The following MANBA variants were observed in gnomAD, a reference collection of about 807,000 sequenced individuals.
MANBA encodes the protein beta-mannosidase.
Under a neutral mutation model 111.1 loss-of-function variants are expected in MANBA, and 83 were observed. That is an observed-to-expected ratio of 0.75 (90% CI 0.63 to 0.90). The LOEUF is 0.90. Ranked by LOEUF, MANBA falls within the 40% of genes least tolerant of loss-of-function variation. The pLI, the probability that MANBA is intolerant of heterozygous loss-of-function variation, is 0.00. For synonymous variants in MANBA, 370 were observed against 378.7 expected (o/e 0.98, Z 0.27); for missense variants, 1,036 against 1,069.0 (o/e 0.97, Z 0.43).
At chr4:102,680,626 C>T (rs1331468588) in intron 7 of MANBA, among the ~76,000 whole-genome samples, 1 of 151,268 alleles carries the variant, frequency 6.6e-6, no homozygotes, top group African/African-American at 2.4e-5. Context: ...TCCAAAAAAG[C>T]AAATTCCACA....
chr4:102,644,446 T>C (rs1730014691), intron 13 of MANBA, among the ~76,000 whole-genome samples: 1 of 152,004 alleles, frequency 6.6e-6, no homozygotes, highest in Admixed American at 6.6e-5. Flanking sequence ...GCCTTAAAAA[T>C]AAAGGAAATC....
At position 102,668,768 on chromosome 4, in the gene MANBA, C is replaced by G. The variant is rs182710499; in HGVS notation, c.1317+195G>C. 8.1e-4 allele frequency: 466 copies of G among 573,128 alleles called. 1 individual carries two copies. The highest frequency in any genetic ancestry group is 4.9e-3 in the Middle Eastern group (10 of 2,032). 35.5% of individuals were successfully genotyped at this position (573,128 alleles called of 1,614,324 possible). Reference sequence around the variant, plus strand: ...AGAGAAATCAGGACTGGGGATAAATCTGGGAGTCATCAGCCAATAGATGAT... The same window carrying G: ...AGAGAAATCAGGACTGGGGATAAATGTGGGAGTCATCAGCCAATAGATGAT... On this transcript the variant is annotated intron_variant, in intron 10 of 16. Coordinates refer to ENST00000647097, the MANE Select transcript of MANBA (RefSeq NM_005908.4).
intron 7 of MANBA, among the ~76,000 whole-genome samples, chr4:102,675,584 G>C (rs1053348635): frequency 6.6e-6 from 1 of 152,000 alleles, no homozygotes; most frequent in Non-Finnish European, 1.5e-5. Context: ...AAAAGGAGTA[G>C]GTACTACTTA....
At chr4:102,741,239 A>G (rs565290265) in intron 1 of MANBA, among the ~76,000 whole-genome samples, 1 of 152,332 alleles carries the variant, frequency 6.6e-6, no homozygotes, top group East Asian at 1.9e-4. Context: ...AACCACAATG[A>G]GATACTCCTT....
intron 5 of MANBA, among the ~76,000 whole-genome samples, chr4:102,698,835 T>C (rs1371750966): frequency 6.6e-6 from 1 of 151,716 alleles, no homozygotes; most frequent in East Asian, 1.9e-4. Context: ...GACTTGGCGA[T>C]GTGGGCTCTT....
chr4:102,713,907 A>AG (rs1285367507), intron 5 of MANBA, among the ~76,000 whole-genome samples: 1 of 151,752 alleles, frequency 6.6e-6, no homozygotes, highest in Non-Finnish European at 1.5e-5. Context: ...AAAAAAAAAA[A>AG]AAAAAAAAGA....
intron 7 of MANBA, among the ~76,000 whole-genome samples, chr4:102,688,254 G>A (rs903683080): frequency 6.6e-6 from 1 of 151,868 alleles, no homozygotes; most frequent in African/African-American, 2.4e-5. Context: ...GGTCCAGGAT[G>A]TTCTCCCTGT....
At chr4:102,751,730 G>A (rs559074271) in intron 1 of MANBA, 5 of 541,102 alleles carry the variant, frequency 9.2e-6, no homozygotes, top group Non-Finnish European at 1.9e-5. Flanking sequence ...AAGGGGCAAA[G>A]GAATGGATCT....
chr4:102,745,184 A>G (rs925131445), intron 1 of MANBA, among the ~76,000 whole-genome samples: 3 of 152,190 alleles, frequency 2.0e-5, no homozygotes, highest in Non-Finnish European at 4.4e-5. Flanking sequence ...GTAGTCCCCA[A>G]AATGTCTGAT....
At chr4:102,718,718 G>C (rs1172420265) in intron 4 of MANBA, among the ~76,000 whole-genome samples, 1 of 152,168 alleles carries the variant, frequency 6.6e-6, no homozygotes, top group Admixed American at 6.5e-5. Flanking sequence ...TTTCAACATA[G>C]GTTCTTTTCT....
At chr4:102,667,489 G>T (rs886817015) in intron 10 of MANBA, 1 of 152,142 alleles carries the variant, frequency 6.6e-6, no homozygotes, top group Non-Finnish European at 1.5e-5. Flanking sequence ...AGAGTGCACT[G>T]GGGAAAAGAT....
At chr4:102,720,221 G>A (rs572805940) in intron 4 of MANBA, among the ~76,000 whole-genome samples, 41 of 152,110 alleles carry the variant, frequency 2.7e-4, no homozygotes, top group Non-Finnish European at 5.7e-4. Context: ...GATCACCTGA[G>A]GTCAGGAGTT....
chr4:102,654,369 G>A (rs1171611440), intron 12 of MANBA, among the ~76,000 whole-genome samples: 1 of 152,018 alleles, frequency 6.6e-6, no homozygotes, highest in Non-Finnish European at 1.5e-5. Flanking sequence ...CGTAGTACAC[G>A]ATAAGTATAT....
intron 1 of MANBA, chr4:102,730,046 GC>G (rs892383063): frequency 2.6e-5 from 21 of 797,098 alleles, no homozygotes; most frequent in Non-Finnish European, 3.7e-5. Context: ...AGCTGCTGCT[GC>G]CCACTAGGGA....
chr4:102,647,603 C>T (rs939268099), intron 13 of MANBA, among the ~76,000 whole-genome samples: 3 of 151,870 alleles, frequency 2.0e-5, no homozygotes, highest in African/African-American at 7.3e-5. Flanking sequence ...TTTTATATGT[C>T]AGAACACTTT....
intron 10 of MANBA, chr4:102,665,432 T>A (rs1011030729): frequency 6.5e-6 from 1 of 153,448 alleles, no homozygotes; most frequent in Non-Finnish European, 1.4e-5. Context: ...TGGAATACTC[T>A]AAAGGAAAAC....
At chr4:102,659,481 G>A (rs375591958) in intron 11 of MANBA, among the ~76,000 whole-genome samples, 4 of 152,140 alleles carry the variant, frequency 2.6e-5, no homozygotes, top group East Asian at 3.9e-4. Context: ...GCCAGACTCT[G>A]TGTTCTGGTC....
In MANBA at chr4:102,760,911, A is replaced by T; in HGVS notation, c.-17T>A. 6.4e-7 allele frequency: 1 copy of T among 1,552,960 alleles called. No individual in the cohort carries two copies. On this transcript the variant is annotated 5_prime_UTR_variant, in exon 1 of 17. Coordinates refer to ENST00000647097, the MANE Select transcript of MANBA (RefSeq NM_005908.4). Reference sequence around the variant, plus strand: ...GAGGCGCATCTTGAGATCCCGCGCCACCGAGATGTGGAGAGATCGAAAGGC... The same window carrying T: ...GAGGCGCATCTTGAGATCCCGCGCCTCCGAGATGTGGAGAGATCGAAAGGC...
chr4:102,738,094 C>A (rs1013433681), intron 1 of MANBA, among the ~76,000 whole-genome samples: 5 of 152,234 alleles, frequency 3.3e-5, no homozygotes, highest in African/African-American at 4.8e-5. Context: ...TCTGCTACTG[C>A]AGCTAGTGCT....
Sources: allele counts gnomAD v4.1 joint callset (sites outside exome capture counted in the v4.1 genomes callset), GRCh38; gene constraint gnomAD v4.1.1; transcripts MANE v1.5; gene names NCBI Gene and HGNC (gene_info 2026-07-23, HGNC 2026-07-21).